Variants in LAMA5 observed in about 807,000 individuals in gnomAD.
The protein encoded by LAMA5 is laminin subunit alpha-5.
In LAMA5, 260 loss-of-function variants were observed where a neutral mutation model predicts 433.4. The observed-to-expected ratio is 0.60, with a 90% CI of 0.54 to 0.66. The LOEUF (loss-of-function observed/expected upper bound fraction) is 0.66, where lower values mean the gene tolerates loss of function less well. LAMA5 is among the 30% of genes least tolerant of loss of function. The pLI, the probability that LAMA5 is intolerant of heterozygous loss-of-function variation, is 0.00. For synonymous variants in LAMA5, 2,620 were observed against 2,226.6 expected, an observed-to-expected ratio of 1.18 and a Z score of -4.97; for missense variants, 5,378 against 5,258.5, an observed-to-expected ratio of 1.02 and a Z score of -0.70.
chr20:62,365,430 G>T (rs563235991), intron 1 of LAMA5, among the ~76,000 whole-genome samples: 1 of 152,218 alleles, frequency 6.6e-6, no homozygotes, highest in Admixed American at 6.5e-5. Context: ...CGAGACGGGG[G>T]TAATAAGCCC....
intron 51 of LAMA5, 134 bp from the exon 52 acceptor site, chr20:62,319,147 G>A: frequency 2.2e-6 from 2 of 920,484 alleles, no homozygotes; most frequent in Non-Finnish European, 3.2e-6. Flanking sequence ...GCACCTGGGT[G>A]GCCCCTAGAG....
At chr20:62,343,557 C>G (rs1188943047) in intron 11 of LAMA5, among the ~76,000 whole-genome samples, 1 of 152,140 alleles carries the variant, frequency 6.6e-6, no homozygotes, top group African/African-American at 2.4e-5. Context: ...GGGCAGATCC[C>G]TTGAGGTCAG....
Position 62,351,967 on chromosome 20 carries a change from T to C in LAMA5, c.800A>G (p.Asn267Ser). Reference sequence around the variant, plus strand: ...CCCCATGAGATGGCCCAGCAGCGTGTTGGTACGCAGGAAGCGCAGGCGGAC... The same window carrying C: ...CCCCATGAGATGGCCCAGCAGCGTGCTGGTACGCAGGAAGCGCAGGCGGAC... The part of the protein sequence containing the change: ...TNVRLRFLRT[N>S]TLLGHLMGKA... Residue 267 changes from asparagine to serine, a missense_variant, in exon 5 of 80, where the codon AAC becomes AGC. Asn to Ser is a conservative substitution (Grantham distance 46). Coordinates refer to ENST00000252999, the MANE Select transcript of LAMA5 (RefSeq NM_005560.6). 1 of 1,612,438 alleles carries C rather than the reference T, an allele frequency of 6.2e-7. No homozygotes were observed. The highest frequency in any genetic ancestry group is 1.1e-5 in the South Asian group (1 of 91,034).
At chr20:62,352,410 G>T in intron 3 of LAMA5, 50 bp from the exon 4 acceptor site, 1 of 1,451,308 alleles carries the variant, frequency 6.9e-7, no homozygotes, top group Non-Finnish European at 9.5e-7. Flanking sequence ...GAAAAGCCTG[G>T]GTCCCCGCGG....
chr20:62,327,143 C>T, intron 38 of LAMA5, 90 bp downstream of exon 38: 1 of 1,325,622 alleles, frequency 7.5e-7, no homozygotes, highest in East Asian at 2.5e-5. Context: ...AGCTCCCCCT[C>T]CCTGGACAGA....
intron 45 of LAMA5, 147 bp downstream of exon 45, chr20:62,323,309 G>T: frequency 1.4e-6 from 1 of 698,138 alleles, no homozygotes; most frequent in Non-Finnish European, 2.3e-6. Flanking sequence ...AGAAAGGGTT[G>T]ACCATGAACC....
Position 62,315,033 on chromosome 20 carries a change from T to C in LAMA5, c.8042A>G (p.His2681Arg), listed in dbSNP as rs1458948977. 1.9e-6 allele frequency: 3 copies of C among 1,591,034 alleles called. No individual in the cohort carries two copies. The highest frequency in any genetic ancestry group is 1.7e-4 in the Middle Eastern group (1 of 6,012). The change falls in exon 59 of 80, where the codon CAC becomes CGC. Residue 2681 changes from histidine (H) to arginine (R), a missense_variant. By Grantham distance (29) the His-to-Arg change is conservative (BLOSUM62 0). Transcript: ENST00000252999. ...DLGQAVLDAGHSVSTLEKTLP... is the reference protein window; with the variant it reads ...DLGQAVLDAGRSVSTLEKTLP... ...CGCGAGGGCCATGGGCGCACCTGAG[T>C]GGCCTGCGTCAAGCACTGCCTGGCC...
At position 62,312,733 on chromosome 20, in the gene LAMA5, A is replaced by C. The variant is rs1473395914; in HGVS notation, c.9126T>G (p.Arg3042=). The C allele has an allele frequency of 6.3e-7, 1 of 1,595,590 alleles. No homozygotes were observed. Among genetic ancestry groups the C allele is most frequent in the Admixed American group, 1.7e-5 (1 of 57,598 alleles). The change falls in exon 67 of 80, where the codon CGT becomes CGG. Residue 3042 remains arginine, a synonymous_variant. Coordinates refer to ENST00000252999, the MANE Select transcript of LAMA5 (RefSeq NM_005560.6). The part of the protein sequence containing the change: ...LGGSRKRVLV[R]VERATVYSVE... Reference sequence around the variant, plus strand: ...CGCTGTACACCGTGGCCCGCTCCACACGCACCAGCACACGCTTGCGGCTGC... The same window carrying C: ...CGCTGTACACCGTGGCCCGCTCCACCCGCACCAGCACACGCTTGCGGCTGC...
intron 20 of LAMA5, 41 bp from the exon 21 acceptor site, chr20:62,334,662 C>G (rs1421265065): frequency 6.6e-7 from 1 of 1,507,332 alleles, no homozygotes; most frequent in Non-Finnish European, 8.9e-7. Context: ...GCCTGGCCCC[C>G]ACCCAGCCTC....
chr20:62,335,045 G>A lies in LAMA5; in HGVS notation c.2458C>T (p.Gln820Ter), dbSNP rs897350554. 3.7e-6 allele frequency: 6 copies of A among 1,612,860 alleles called. No individual in the cohort carries two copies. The highest frequency in any genetic ancestry group is 5.1e-6 in the Non-Finnish European group (6 of 1,179,718). Residue 820 changes from glutamine to a stop codon, truncating the protein, a stop_gained, in exon 20 of 80, where the codon CAG (glutamine) becomes TAG (stop). Coordinates refer to ENST00000252999, the MANE Select transcript of LAMA5 (RefSeq NM_005560.6). LOFTEE classifies it high-confidence loss of function. ...CTGCGGCAGCCAAAATAGTCAGCCT[G>A]ATCCAGTCCAAAGAAGCCATCCTTG... ...SCKDGFFGLD[Q>*]ADYFGCRSCR...
chr20:62,316,945 C>T lies in LAMA5; in HGVS notation c.7590G>A (p.Gln2530=). 6.4e-7 allele frequency: 1 copy of T among 1,568,412 alleles called. No homozygotes were observed. The highest frequency in any genetic ancestry group is 8.7e-7 in the Non-Finnish European group (1 of 1,153,280). Residue 2530 remains glutamine, a synonymous_variant, in exon 56 of 80, where the codon CAG becomes CAA. Transcript: ENST00000252999. Reference sequence around the variant, plus strand: ...CAGCATCCTCGGCAGCCTGCACGGCCTGCAGGATGCGGCTGTAGGCGTTGG... The same window carrying T: ...CAGCATCCTCGGCAGCCTGCACGGCTTGCAGGATGCGGCTGTAGGCGTTGG... ...EASNAYSRIL[Q]AVQAAEDAAG...
chr20:62,318,357 G>T, intron 53 of LAMA5, 97 bp downstream of exon 53: 2 of 664,272 alleles, frequency 3.0e-6, no homozygotes, highest in Non-Finnish European at 5.0e-6. Flanking sequence ...AGGGAGGGGA[G>T]GACGAGGGGA....
At chr20:62,312,112 A>C in intron 69 of LAMA5, 61 bp downstream of exon 69, 1 of 1,609,750 alleles carries the variant, frequency 6.2e-7, no homozygotes, top group Non-Finnish European at 8.5e-7. Context: ...CAGACACCCC[A>C]GTCCCAACTG....
chr20:62,342,392 C>A, intron 11 of LAMA5: 1 of 282,090 alleles, frequency 3.5e-6, no homozygotes, highest in Admixed American at 5.0e-5. Context: ...AAACAGGTAT[C>A]AGAGACCAGG....
intron 79 of LAMA5, 109 bp downstream of exon 79, chr20:62,309,607 A>AGGAGGGGGGGAGGGGGCAGGGGGC: frequency 2.9e-6 from 1 of 340,060 alleles, no homozygotes; most frequent in Non-Finnish European, 4.7e-6. Context: ...GGGGGGTGGG[A>AGGAGGGGGGGAGGGGGCAGGGGGC]GGAGGGTGGG....
chr20:62,322,432 G>A lies in LAMA5; in HGVS notation c.6183C>T (p.Phe2061=), dbSNP rs2274933. The part of the protein sequence containing the change: ...CDRCQEGHFG[F]DGCGGCRPCA... ...ACGGGCGGCAGCCCCCGCAGCCATCGAAACCAAAATGTCCCTCCTGTGGCA... is the reference window on the plus strand; with the variant it reads ...ACGGGCGGCAGCCCCCGCAGCCATCAAAACCAAAATGTCCCTCCTGTGGCA... Residue 2061 remains phenylalanine (F), a synonymous_variant, in exon 47 of 80, where the codon TTC becomes TTT. Coordinates refer to ENST00000252999, the MANE Select transcript of LAMA5 (RefSeq NM_005560.6). 324,574 of 1,586,168 alleles carry A rather than the reference G, an allele frequency of 0.2. 33,940 individuals carry two copies. Among genetic ancestry groups the A allele is most frequent in the Middle Eastern group, 0.22 (1,329 of 5,994 alleles).
Position 62,312,271 on chromosome 20 carries a change from C to T in LAMA5, c.9406G>A (p.Ala3136Thr). 6.2e-7 allele frequency: 1 copy of T among 1,611,334 alleles called. No homozygotes were observed. Among genetic ancestry groups the T allele is most frequent in the East Asian group, 2.2e-5 (1 of 44,812 alleles). The change falls in exon 69 of 80, where the codon GCG becomes ACG. Residue 3136 changes from alanine (A) to threonine (T), a missense_variant. Transcript: ENST00000252999. ...GTGAGCGGTGCCACGTTCGAGAGCGCCAGGCGAAGGAAGCCGTGGCCATGG... is the reference window on the plus strand; with the variant it reads ...GTGAGCGGTGCCACGTTCGAGAGCGTCAGGCGAAGGAAGCCGTGGCCATGG... ...TFHGHGFLRLALSNVAPLTGN... is the reference protein window; with the variant it reads ...TFHGHGFLRLTLSNVAPLTGN...
In LAMA5 at chr20:62,309,203, A is replaced by ACTT; in HGVS notation, c.*130_*132dup. The stretch of plus-strand genomic sequence containing the variant: ...TTATTCTTTCGTTTAAGAAGCTATA[A>ACTT]CTTAAACCATCTTCAGAAACAAGAT... On this transcript the variant is annotated 3_prime_UTR_variant, in exon 80 of 80. Transcript: ENST00000252999. The ACTT allele has an allele frequency of 2.2e-6, 2 of 917,976 alleles. No individual in the cohort carries two copies. The highest frequency in any genetic ancestry group is 3.1e-6 in the Non-Finnish European group (2 of 638,448). The allele number at this position is 917,976 out of a possible 1,614,324, so 56.9% of individuals were successfully genotyped here.
Position 62,327,313 on chromosome 20 carries a change from G to A in LAMA5, c.5032C>T (p.Leu1678=). 6.3e-7 allele frequency: 1 copy of A among 1,599,398 alleles called. No homozygotes were observed. Among genetic ancestry groups the A allele is most frequent in the Non-Finnish European group, 8.5e-7 (1 of 1,173,040 alleles). ...GGCACAGCCTCAGGCACGTGCCGCAGGTCTGCACGGAGCATCTCCGTCCCT... is the reference window on the plus strand; with the variant it reads ...GGCACAGCCTCAGGCACGTGCCGCAAGTCTGCACGGAGCATCTCCGTCCCT... ...QPGTEMLRAD[L]RHVPEAVPEA... is the part of the protein sequence containing the mutation. Residue 1678 remains leucine, a synonymous_variant, in exon 38 of 80, where the codon CTG becomes TTG. Transcript: ENST00000252999.
Sources: allele counts gnomAD v4.1 joint callset (sites outside exome capture counted in the v4.1 genomes callset), GRCh38; gene constraint gnomAD v4.1.1; transcripts MANE v1.5; gene names NCBI Gene and HGNC (gene_info 2026-07-23, HGNC 2026-07-21).